GABRG2: variants seen among roughly 807,000 people sequenced by gnomAD.
GABRG2 encodes the protein gamma-aminobutyric acid receptor subunit gamma-2.
GABRG2 carries 16 observed loss-of-function variants against 56.4 expected under a neutral mutation model. That is an observed-to-expected ratio of 0.28 (90% CI 0.19 to 0.43). GABRG2 has a LOEUF of 0.43. Among genes scored for constraint, GABRG2 ranks in the 20% least tolerant of loss-of-function variants. GABRG2 has a pLI of 1.00. For missense variants in GABRG2, 327 were observed against 582.7 expected, an observed-to-expected ratio of 0.56 and a Z score of 4.52; for synonymous variants, 208 against 205.5, an observed-to-expected ratio of 1.01 and a Z score of -0.10.
chr5:162,088,191 A>G (rs993586077), intron 1 of GABRG2, among the ~76,000 whole-genome samples: 2 of 152,030 alleles, frequency 1.3e-5, no homozygotes, highest in Non-Finnish European at 2.9e-5. Flanking sequence ...GAACACCACT[A>G]TGTCTCTAAA....
chr5:162,135,588 C>A (rs955084888), intron 6 of GABRG2, among the ~76,000 whole-genome samples: 1 of 152,116 alleles, frequency 6.6e-6, no homozygotes, highest in Non-Finnish European at 1.5e-5. Context: ...CCAGTATTCA[C>A]CATCATATAT....
chr5:162,120,471 A>G (rs1401054109), intron 6 of GABRG2, among the ~76,000 whole-genome samples: 1 of 152,128 alleles, frequency 6.6e-6, no homozygotes, highest in African/African-American at 2.4e-5. Flanking sequence ...AATTCTCTGT[A>G]CAGTGGAGAT....
intron 2 of GABRG2, 95 bp from the exon 3 acceptor site, chr5:162,095,400 A>T (rs1760923797): frequency 1.3e-6 from 1 of 766,090 alleles, no homozygotes; most frequent in African/African-American, 1.7e-5. Flanking sequence ...ATTACTTCTA[A>T]TGTAGCTAAA....
At chr5:162,109,395 T>TATATAC (rs1364932396) in intron 6 of GABRG2, among the ~76,000 whole-genome samples, 4 of 19,580 alleles carry the variant, frequency 2.0e-4, no homozygotes, top group Admixed American at 1.6e-3. Flanking sequence ...GTATAATATA[T>TATATAC]ATATATATAT....
chr5:162,079,303 C>A (rs1367123879), intron 1 of GABRG2, among the ~76,000 whole-genome samples: 2 of 152,080 alleles, frequency 1.3e-5, no homozygotes, highest in African/African-American at 2.4e-5. Context: ...CAATTTTAGT[C>A]TCCTTTACTT....
chr5:162,115,198 A>G (rs1157038723), intron 6 of GABRG2, among the ~76,000 whole-genome samples: 1 of 152,144 alleles, frequency 6.6e-6, no homozygotes, highest in East Asian at 1.9e-4. Context: ...ACCTTAAGGA[A>G]GTCATTTTCT....
At position 162,153,073 on chromosome 5, in the gene GABRG2, C is replaced by A; in HGVS notation, c.1153-20C>A. On this transcript the variant is annotated intron_variant, in intron 9 of 9. Coordinates refer to ENST00000639213, the MANE Select transcript of GABRG2 (RefSeq NM_198904.4). ...CGAGAACAACTAACTGATCCCTCTC[C>A]TTCCCTACCCTCGTCCCAGGCCCCT... is the stretch of plus-strand genomic sequence containing the variant. 2 of 1,613,856 alleles carry A rather than the reference C, an allele frequency of 1.2e-6. No individual in the cohort carries two copies. The highest frequency in any genetic ancestry group is 2.2e-5 in the South Asian group (2 of 91,072).
intron 4 of GABRG2, 28 bp downstream of exon 4, chr5:162,097,886 A>G (rs1376694714): frequency 6.4e-7 from 1 of 1,556,506 alleles, no homozygotes; most frequent in Admixed American, 1.7e-5. Context: ...GAAAGGAGTA[A>G]TTGTTAGGAA....
intron 8 of GABRG2, chr5:162,151,149 A>G (rs999429622): frequency 1.3e-5 from 2 of 153,146 alleles, no homozygotes; most frequent in East Asian, 3.8e-4. Flanking sequence ...TTGCAAAGAT[A>G]GAGGCAGATT....
At chr5:162,126,942 G>T (rs1407301900) in intron 6 of GABRG2, among the ~76,000 whole-genome samples, 1 of 151,884 alleles carries the variant, frequency 6.6e-6, no homozygotes, top group Non-Finnish European at 1.5e-5. Context: ...GTTGTTATAA[G>T]TTCATTTAAT....
rs111701925 is a variant in GABRG2, at chr5:162,152,069, C to T, written c.1152+316C>T. On this transcript the variant is annotated intron_variant, in intron 9 of 9. Coordinates refer to ENST00000639213, the MANE Select transcript of GABRG2 (RefSeq NM_198904.4). ...AAATGGGATTGAGTCTTACTGATTA[C>T]GACTACCAAGTTTGTACTCTTTTAA... The T allele has an allele frequency of 5.7e-5, 16 of 282,954 alleles. 1 individual carries two copies. The highest frequency in any genetic ancestry group is 1.8e-4 in the South Asian group (2 of 10,982). The allele number at this position is 282,954 out of a possible 1,614,324, so 17.5% of individuals were successfully genotyped here.
intron 5 of GABRG2, chr5:162,103,075 C>A (rs2113365556): frequency 6.5e-6 from 1 of 153,970 alleles, no homozygotes; most frequent in East Asian, 1.9e-4. Flanking sequence ...CAGTTGACTT[C>A]ATAATAATGT....
intron 2 of GABRG2, chr5:162,094,284 TAAAC>T: frequency 2.6e-6 from 1 of 378,392 alleles, no homozygotes; most frequent in East Asian, 6.0e-5. Context: ...TGAAGCAACA[TAAAC>T]AAATCAAACA....
At chr5:162,144,991 T>A (rs533532070) in intron 7 of GABRG2, among the ~76,000 whole-genome samples, 1 of 152,292 alleles carries the variant, frequency 6.6e-6, no homozygotes, top group East Asian at 1.9e-4. Flanking sequence ...CACAGGTGAT[T>A]CAAACGTGCA....
At chr5:162,077,111 G>GTGTGTGT in intron 1 of GABRG2, among the ~76,000 whole-genome samples, 1 of 134,322 alleles carries the variant, frequency 7.4e-6, no homozygotes, top group African/African-American at 3.2e-5. Context: ...GTGTGTGTGT[G>GTGTGTGT]ATGTTTCTAT....
chr5:162,067,915 A>T lies in GABRG2; in HGVS notation c.-85A>T. ...GGCAGGTGGGGGGAGCCACCATCAG[A>T]TCATAAGCATAAGAATAATACAAAG... On this transcript the variant is annotated 5_prime_UTR_variant, in exon 1 of 10. Transcript: ENST00000639213. The T allele has an allele frequency of 4.2e-6, 4 of 943,810 alleles. No homozygotes were observed. The highest frequency in any genetic ancestry group is 6.8e-6 in the Non-Finnish European group (4 of 584,894). The allele number at this position is 943,810 out of a possible 1,614,324, so 58.5% of individuals were successfully genotyped here.
chr5:162,153,867 A>C lies in GABRG2; in HGVS notation c.*499A>C, dbSNP rs993192415. ...AGAAATCTATTACACCTTTATCTCA[A>C]GATAGGAAGAAAATTTCCTCCACAT... On this transcript the variant is annotated 3_prime_UTR_variant, in exon 10 of 10. Transcript: ENST00000639213. 6 of 169,336 alleles carry C rather than the reference A, an allele frequency of 3.5e-5. No homozygotes were observed. Among genetic ancestry groups the C allele is most frequent in the Admixed American group, 1.1e-4 (2 of 17,854 alleles). 10.5% of individuals were successfully genotyped at this position (169,336 alleles called of 1,614,324 possible).
intron 6 of GABRG2, among the ~76,000 whole-genome samples, chr5:162,139,605 T>C (rs1258130729): frequency 1.3e-5 from 2 of 152,212 alleles, no homozygotes; most frequent in African/African-American, 4.8e-5. Context: ...GATAATTGCA[T>C]TGAGGTAATT....
chr5:162,091,842 C>A (rs1760619761), intron 1 of GABRG2, among the ~76,000 whole-genome samples: 1 of 152,024 alleles, frequency 6.6e-6, no homozygotes, highest in Non-Finnish European at 1.5e-5. Context: ...AACAAACAAA[C>A]TAAGCAATTT....
Sources: gnomAD v4.1 joint callset for allele counts (sites outside exome capture counted in the v4.1 genomes callset) on GRCh38, gnomAD v4.1.1 for gene constraint, MANE v1.5 for transcripts, NCBI Gene and HGNC (gene_info 2026-07-23, HGNC 2026-07-21) for gene names.